RPS6KL1: variants seen among roughly 807,000 people sequenced by gnomAD.
RPS6KL1 encodes ribosomal protein S6 kinase-like 1.
Under a neutral mutation model 57.0 loss-of-function variants are expected in RPS6KL1, and 41 were observed. The ratio of observed to expected loss-of-function variants is 0.72; its 90% CI spans 0.56 to 0.93. The LOEUF (loss-of-function observed/expected upper bound fraction) is 0.93, where lower values mean the gene tolerates loss of function less well. Ranked by LOEUF, RPS6KL1 falls within the 40% of genes least tolerant of loss-of-function variation. The probability of loss-of-function intolerance (pLI) is 0.00; values close to 1 mark genes in which losing one functional copy is unlikely to be tolerated. For synonymous variants in RPS6KL1, 287 were observed against 309.7 expected, an observed-to-expected ratio of 0.93 and a Z score of 0.77; for missense variants, 697 against 727.7, an observed-to-expected ratio of 0.96 and a Z score of 0.49.
At chr14:74,914,953 C>T (rs1057409629) in intron 5 of RPS6KL1, among the ~76,000 whole-genome samples, 1 of 152,234 alleles carries the variant, frequency 6.6e-6, no homozygotes, top group African/African-American at 2.4e-5. Context: ...CTCAGGTGAT[C>T]CACCCACCTT....
intron 6 of RPS6KL1, 111 bp from the exon 7 acceptor site, chr14:74,911,491 C>T: frequency 1.6e-6 from 2 of 1,256,228 alleles, no homozygotes; most frequent in Non-Finnish European, 1.1e-6. Flanking sequence ...GGAGCAACTG[C>T]CTCCCTCAGT....
intron 4 of RPS6KL1, 95 bp downstream of exon 4, chr14:74,919,750 C>T: frequency 7.2e-7 from 1 of 1,385,200 alleles, no homozygotes; most frequent in Non-Finnish European, 9.9e-7. Context: ...CTCTGCCCTG[C>T]AGCCCAGGGC....
At chr14:74,920,277 G>T (rs1887611273) in intron 3 of RPS6KL1, among the ~76,000 whole-genome samples, 1 of 152,224 alleles carries the variant, frequency 6.6e-6, no homozygotes, top group Non-Finnish European at 1.5e-5. Flanking sequence ...ACAGGGTGGG[G>T]ATTTCCCCAT....
intron 3 of RPS6KL1, among the ~76,000 whole-genome samples, 157 bp downstream of exon 3, chr14:74,921,120 G>A (rs1887754568): frequency 6.6e-6 from 1 of 152,210 alleles, no homozygotes; most frequent in African/African-American, 2.4e-5. Flanking sequence ...CTTAATAAGT[G>A]CCAGCTATCA....
In RPS6KL1 at chr14:74,911,225, CA is replaced by C. The variant is rs1394673273; in HGVS notation, c.664+22del. The C allele has an allele frequency of 3.1e-6, 5 of 1,608,186 alleles. No homozygotes were observed. The African/African-American group carries it at 5.3e-5, about 17-fold the overall frequency. ...ATACCCCAAAGGCCTGGGGAGCTGACAGGGGGCCCCAGGCCTGCTCACCTTG... is the reference window on the plus strand; with the variant it reads ...ATACCCCAAAGGCCTGGGGAGCTGACGGGGGCCCCAGGCCTGCTCACCTTG... On this transcript the variant is annotated intron_variant, in intron 7 of 11. Coordinates refer to ENST00000557413, the MANE Select transcript of RPS6KL1 (RefSeq NM_031464.5).
intron 2 of RPS6KL1, 71 bp from the exon 3 acceptor site, chr14:74,921,632 C>T: frequency 6.7e-7 from 1 of 1,501,536 alleles, no homozygotes; most frequent in Non-Finnish European, 8.9e-7. Flanking sequence ...CAGTTTCCTC[C>T]ACTGAATGTC....
In RPS6KL1 at chr14:74,914,291, C is replaced by T. The variant is rs550953434; in HGVS notation, c.484-2450G>A. On this transcript the variant is annotated intron_variant, in intron 5 of 11. Coordinates refer to ENST00000557413, the MANE Select transcript of RPS6KL1 (RefSeq NM_031464.5). Reference sequence around the variant, plus strand: ...AAAACTCTGGAGTCATTTAGGAGAACAGAGTTTCCCACAAATCCTGACACC... The same window carrying T: ...AAAACTCTGGAGTCATTTAGGAGAATAGAGTTTCCCACAAATCCTGACACC... 2.6e-5 allele frequency among the ~76,000 whole-genome samples: 4 copies of T among 152,344 alleles called. No homozygotes were observed. In the East Asian group the frequency reaches 5.8e-4, roughly 22 times the overall value.
At chr14:74,912,310 C>T (rs543516825) in intron 5 of RPS6KL1, among the ~76,000 whole-genome samples, 87 of 152,292 alleles carry the variant, frequency 5.7e-4, no homozygotes, top group South Asian at 1.5e-3. Context: ...TCCCTGCCCA[C>T]GCTGGGCCAG....
chr14:74,906,285 G>GACTT lies in RPS6KL1; in HGVS notation c.*725_*728dup, dbSNP rs1884793635. 6.1e-6 allele frequency: 2 copies of GACTT among 326,634 alleles called. No homozygotes were observed. The highest frequency in any genetic ancestry group is 1.2e-5 in the Non-Finnish European group (2 of 162,902). 20.2% of individuals were successfully genotyped at this position (326,634 alleles called of 1,614,324 possible). A position where few individuals can be genotyped will look rare whatever the true frequency, so the allele number is the denominator to read the frequency against. On this transcript the variant is annotated 3_prime_UTR_variant, in exon 12 of 12. Transcript: ENST00000557413. The stretch of plus-strand genomic sequence containing the variant: ...AGGAGGACTCTTGATTCTGGTTTCA[G>GACTT]ACTTGCTCTAAGGGGCAGACCCATG...
intron 10 of RPS6KL1, 26 bp downstream of exon 10, chr14:74,908,824 G>A (rs1299571906): frequency 1.2e-6 from 2 of 1,602,946 alleles, no homozygotes. Context: ...ACCCACCAGG[G>A]CACTACACCC....
chr14:74,910,047 G>C lies in RPS6KL1; in HGVS notation c.766C>G (p.His256Asp). 6.2e-7 allele frequency: 1 copy of C among 1,612,958 alleles called. No individual in the cohort carries two copies. The highest frequency in any genetic ancestry group is 1.3e-5 in the African/African-American group (1 of 75,056). Residue 256 changes from histidine (H) to aspartate (D), a missense_variant, in exon 8 of 12, where the codon CAC becomes GAC. Transcript: ENST00000557413. ...CTCGCTGGGGTCAGGAGGTTGAGGT[G>C]GGGGTTGAGCTGAGCCTTCATCCTC... The part of the protein sequence containing the change: ...QERMKAQLNP[H>D]LNLLTPARLP...
intron 10 of RPS6KL1, among the ~76,000 whole-genome samples, 177 bp downstream of exon 10, chr14:74,908,673 C>T (rs559006666): frequency 3.5e-4 from 54 of 152,302 alleles, no homozygotes; most frequent in African/African-American, 1.2e-3. Context: ...TTGACAGTCT[C>T]CTTAGCTATA....
intron 10 of RPS6KL1, 125 bp downstream of exon 10, chr14:74,908,725 C>T (rs1393782626): frequency 1.5e-5 from 12 of 802,792 alleles, no homozygotes; most frequent in African/African-American, 5.0e-5. Context: ...TCCCTGGCTT[C>T]GGGGGCAGTT....
At chr14:74,914,391 CAG>C (rs1481335967) in intron 5 of RPS6KL1, among the ~76,000 whole-genome samples, 3 of 152,214 alleles carry the variant, frequency 2.0e-5, no homozygotes, top group African/African-American at 7.2e-5. Flanking sequence ...CTGTAACTGA[CAG>C]AGTCCAAAAA....
chr14:74,921,782 T>C (rs1263657643), intron 2 of RPS6KL1, 196 bp downstream of exon 2: 96 of 1,297,598 alleles, frequency 7.4e-5, no homozygotes, highest in African/African-American at 2.0e-4. Flanking sequence ...CTTTTCTTTT[T>C]TTTTTTTTTT....
intron 4 of RPS6KL1, among the ~76,000 whole-genome samples, chr14:74,919,106 C>T (rs896349169): frequency 5.3e-5 from 8 of 152,164 alleles, no homozygotes; most frequent in African/African-American, 1.7e-4. Flanking sequence ...ACCTGGGAGG[C>T]GGAGGTTGCA....
chr14:74,907,877 G>A lies in RPS6KL1; in HGVS notation c.1444-347C>T, dbSNP rs576931220. ...GTCTCCTTATTTTAAAAATCCACAC[G>A]GGCTGTTCATTTGGCAGCAGGCCAT... On this transcript the variant is annotated intron_variant, in intron 10 of 11. Coordinates refer to ENST00000557413, the MANE Select transcript of RPS6KL1 (RefSeq NM_031464.5). Among the ~76,000 whole-genome samples the A allele has an allele frequency of 6.6e-5, 10 of 152,286 alleles. No individual in the cohort carries two copies. In the South Asian group the frequency reaches 1.7e-3, roughly 25 times the overall value.
rs574581242 is a variant in RPS6KL1 at position 74,922,136 on chromosome 14, G to A, written c.-179C>T. ...TTCAGCAAACATTTCTGGAGCATCT[G>A]GTACTGTGTTGAGCTCTGGAGAGAG... On this transcript the variant is annotated 5_prime_UTR_variant, in exon 2 of 12. Coordinates refer to ENST00000557413, the MANE Select transcript of RPS6KL1 (RefSeq NM_031464.5). The A allele has an allele frequency of 1.1e-6, 1 of 943,262 alleles. No individual in the cohort carries two copies. Among genetic ancestry groups the A allele is most frequent in the African/African-American group, 1.8e-5 (1 of 56,196 alleles). 58.4% of individuals were successfully genotyped at this position (943,262 alleles called of 1,614,324 possible). A position where few individuals can be genotyped will look rare whatever the true frequency, so the allele number is the denominator to read the frequency against.
Position 74,910,161 on chromosome 14 carries a change from G to C in RPS6KL1, c.665-13C>G. On this transcript the variant is annotated splice_polypyrimidine_tract_variant and intron_variant, in intron 7 of 11. Transcript: ENST00000557413. The stretch of plus-strand genomic sequence containing the variant: ...CAGAGAGTGCCTCCTGGGCCATGCA[G>C]AGGGAGCGGTGAGCGTGGGGACAGG... 3.3e-6 allele frequency: 5 copies of C among 1,508,422 alleles called. No homozygotes were observed. The highest frequency in any genetic ancestry group is 4.4e-6 in the Non-Finnish European group (5 of 1,135,214). 93.4% of individuals were successfully genotyped at this position (1,508,422 alleles called of 1,614,324 possible). A position where few individuals can be genotyped will look rare whatever the true frequency, so the allele number is the denominator to read the frequency against.
Sources: gnomAD v4.1 joint callset for allele counts (sites outside exome capture counted in the v4.1 genomes callset) on GRCh38, gnomAD v4.1.1 for gene constraint, MANE v1.5 for transcripts, NCBI Gene and HGNC (gene_info 2026-07-23, HGNC 2026-07-21) for gene names.